Variants in CEP85L observed in about 807,000 individuals in gnomAD.
CEP85L encodes centrosomal protein of 85 kDa-like.
In CEP85L, 60 loss-of-function variants were observed where a neutral mutation model predicts 100.3. The ratio of observed to expected loss-of-function variants is 0.60; its 90% CI spans 0.49 to 0.74. The LOEUF is 0.74. CEP85L is among the 30% of genes least tolerant of loss of function. The pLI is 0.00. For synonymous variants in CEP85L, 319 were observed against 322.7 expected, an observed-to-expected ratio of 0.99 and a Z score of 0.12; for missense variants, 973 against 936.2, an observed-to-expected ratio of 1.04 and a Z score of -0.51.
chr6:118,540,083 A>G (rs1777823614), intron 3 of CEP85L, among the ~76,000 whole-genome samples: 1 of 150,600 alleles, frequency 6.6e-6, no homozygotes, highest in Admixed American at 6.6e-5. Context: ...TCCAGAGTCC[A>G]GTTCATCACT....
At chr6:118,639,408 T>C (rs1013958393) in intron 1 of CEP85L, among the ~76,000 whole-genome samples, 4 of 152,180 alleles carry the variant, frequency 2.6e-5, no homozygotes, top group African/African-American at 9.7e-5. Context: ...TCTTCACCAA[T>C]TGTCAGCTTC....
chr6:118,703,426 G>C (rs560561073), intron 1 of CEP85L, among the ~76,000 whole-genome samples: 32 of 152,132 alleles, frequency 2.1e-4, no homozygotes, highest in African/African-American at 7.5e-4. Context: ...AAAGCTTTTT[G>C]AACTCTTAGC....
At chr6:118,700,474 T>A (rs1262921883) in intron 1 of CEP85L, among the ~76,000 whole-genome samples, 1 of 152,262 alleles carries the variant, frequency 6.6e-6, no homozygotes, top group Non-Finnish European at 1.5e-5. Context: ...TGCTGAATTC[T>A]GTGTGATCTA....
rs773421797 is a variant in CEP85L at position 118,470,513 on chromosome 6, CA to C, written c.2022+23del. The C allele has an allele frequency of 2.8e-6, 4 of 1,418,292 alleles. No individual in the cohort carries two copies. The African/African-American group carries it at 5.8e-5, about 21-fold the overall frequency. The allele number at this position is 1,418,292 out of a possible 1,614,324, so 87.9% of individuals were successfully genotyped here. A position where few individuals can be genotyped will look rare whatever the true frequency, so the allele number is the denominator to read the frequency against. On this transcript the variant is annotated intron_variant, in intron 11 of 12. Transcript: ENST00000368491. ...TTTATAGTGAATCATCCTTTCAAAGCAAAATTGAATTTCTTCTACTCACTTC... is the reference window on the plus strand; with the variant it reads ...TTTATAGTGAATCATCCTTTCAAAGCAAATTGAATTTCTTCTACTCACTTC...
At chr6:118,699,080 A>C (rs1777311743) in intron 1 of CEP85L, among the ~76,000 whole-genome samples, 1 of 152,176 alleles carries the variant, frequency 6.6e-6, no homozygotes, top group African/African-American at 2.4e-5. Flanking sequence ...CACTCTAAGT[A>C]TTTTAAATAC....
chr6:118,678,499 T>C (rs1776549333), intron 1 of CEP85L, among the ~76,000 whole-genome samples: 1 of 152,220 alleles, frequency 6.6e-6, no homozygotes, highest in African/African-American at 2.4e-5. Context: ...CATCCTCCTC[T>C]GTACTTCCTT....
At chr6:118,465,956 G>A (rs1357316753) in intron 12 of CEP85L, among the ~76,000 whole-genome samples, 8 of 151,900 alleles carry the variant, frequency 5.3e-5, no homozygotes, top group Non-Finnish European at 8.8e-5. Context: ...ACATATTTAC[G>A]ACTGCAAAGT....
At chr6:118,629,463 C>T (rs984345652) in intron 2 of CEP85L, among the ~76,000 whole-genome samples, 9 of 152,132 alleles carry the variant, frequency 5.9e-5, no homozygotes, top group Admixed American at 1.3e-4. Context: ...CAGGAAAATG[C>T]AAATTAAAAC....
At chr6:118,651,696 GCGGGGGGCGGGGAC>G, upstream of CEP85L, 1 of 657,800 alleles carries the variant, frequency 1.5e-6, no homozygotes, top group Non-Finnish European at 1.8e-6. Context: ...GGCGGGGACT[GCGGGGGGCGGGGAC>G]TGCGGGGGGC....
chr6:118,469,837 A>T (rs942357671), intron 11 of CEP85L, among the ~76,000 whole-genome samples: 1 of 152,096 alleles, frequency 6.6e-6, no homozygotes, highest in African/African-American at 2.4e-5. Flanking sequence ...CCTGGGGTGA[A>T]GTGATCTGCC....
intron 2 of CEP85L, among the ~76,000 whole-genome samples, chr6:118,567,209 A>ATG (rs68047463): frequency 4.1e-4 from 37 of 89,680 alleles, no homozygotes; most frequent in East Asian, 1.3e-3. Context: ...ATATATATGT[A>ATG]TGTGTGTGTG....
chr6:118,635,328 G>A (rs1298022621), intron 1 of CEP85L, among the ~76,000 whole-genome samples: 1 of 152,058 alleles, frequency 6.6e-6, no homozygotes, highest in Non-Finnish European at 1.5e-5. Flanking sequence ...AGTGTGTATG[G>A]AAGAGAAGCA....
At chr6:118,644,726 A>C (rs1243255942) in intron 1 of CEP85L, among the ~76,000 whole-genome samples, 2 of 152,178 alleles carry the variant, frequency 1.3e-5, no homozygotes, top group African/African-American at 4.8e-5. Context: ...TAAATCCTTA[A>C]GATTTCTCAT....
At chr6:118,505,404 G>A (rs1266516562) in intron 5 of CEP85L, among the ~76,000 whole-genome samples, 1 of 53,158 alleles carries the variant, frequency 1.9e-5, no homozygotes, top group Admixed American at 2.0e-4. Flanking sequence ...TCACGTCACT[G>A]TACTCAAAAA....
intron 1 of CEP85L, among the ~76,000 whole-genome samples, chr6:118,689,475 G>T (rs1210387055): frequency 2.0e-5 from 3 of 152,180 alleles, no homozygotes; most frequent in African/African-American, 7.2e-5. Context: ...AATGAGAAGA[G>T]ATGGGGAATT....
chr6:118,498,648 G>A (rs530370578), intron 5 of CEP85L, among the ~76,000 whole-genome samples: 1 of 151,254 alleles, frequency 6.6e-6, no homozygotes, highest in African/African-American at 2.4e-5. Flanking sequence ...AGGGAGGAAA[G>A]GGAGGAAAGG....
intron 1 of CEP85L, among the ~76,000 whole-genome samples, chr6:118,709,263 C>T (rs1435925000): frequency 6.6e-6 from 1 of 152,194 alleles, no homozygotes; most frequent in African/African-American, 2.4e-5. Flanking sequence ...AGCAAAACAA[C>T]TGCATAGCAA....
chr6:118,697,976 A>C (rs754333161), intron 1 of CEP85L, among the ~76,000 whole-genome samples: 2 of 151,480 alleles, frequency 1.3e-5, no homozygotes, highest in Non-Finnish European at 2.9e-5. Flanking sequence ...CTTCGTATTC[A>C]CTCTTTCTGC....
chr6:118,511,326 C>T lies in CEP85L; in HGVS notation c.1229G>A (p.Cys410Tyr), dbSNP rs1309150117. The change falls in exon 5 of 13, where the codon TGT (cysteine) becomes TAT (tyrosine). Residue 410 changes from cysteine (C) to tyrosine (Y), a missense_variant. Around this residue, in one of 3 missense-constraint regions of CEP85L, gnomAD observed 890 missense variants for 844.5 expected, o/e 1.05. Coordinates refer to ENST00000368491, the MANE Select transcript of CEP85L (RefSeq NM_001042475.3). Reference protein sequence around the residue: ...QHAMLGHYVNCEDSYVASLQP... With the variant: ...QHAMLGHYVNYEDSYVASLQP... ...CAAACTAGCCACATAAGAATCCTCA[C>T]AATTTACATAATGTCCTAACATGGC... The T allele has an allele frequency of 6.2e-7, 1 of 1,612,516 alleles. No homozygotes were observed. The highest frequency in any genetic ancestry group is 8.5e-7 in the Non-Finnish European group (1 of 1,178,850).
Sources: allele counts gnomAD v4.1 joint callset (sites outside exome capture counted in the v4.1 genomes callset), GRCh38; gene constraint gnomAD v4.1.1; regional missense constraint gnomAD v4.1.1; transcripts MANE v1.5; gene names NCBI Gene and HGNC (gene_info 2026-07-23, HGNC 2026-07-21).